ZNF334: variants seen among roughly 807,000 people sequenced by gnomAD.
The protein encoded by ZNF334 is zinc finger protein 334.
In ZNF334, 14 loss-of-function variants were observed where a neutral mutation model predicts 12.4. The observed-to-expected ratio is 1.13, with a 90% CI of 0.74 to 1.76. The LOEUF is 1.76. Ranked by LOEUF, ZNF334 falls within the 40% of genes most tolerant of loss-of-function variation. ZNF334 has a pLI of 0.00. For missense variants in ZNF334, 797 were observed against 804.5 expected (o/e 0.99, Z 0.11); for synonymous variants, 273 against 269.6 (o/e 1.01, Z -0.12).
intron 2 of ZNF334, among the ~76,000 whole-genome samples, chr20:46,510,433 G>C (rs1481785770): frequency 6.6e-6 from 1 of 152,092 alleles, no homozygotes; most frequent in African/African-American, 2.4e-5. Context: ...GGAGAATTAA[G>C]ATGGACTTCA....
downstream of ZNF334, among the ~76,000 whole-genome samples, chr20:46,497,041 T>G (rs2061036637): frequency 6.6e-6 from 1 of 152,152 alleles, no homozygotes; most frequent in Non-Finnish European, 1.5e-5. Flanking sequence ...TGATAACAAA[T>G]TTGTCATCTA....
intron 3 of ZNF334, 99 bp downstream of exon 3, chr20:46,504,515 C>T: frequency 6.9e-7 from 1 of 1,442,374 alleles, no homozygotes; most frequent in Non-Finnish European, 9.4e-7. Context: ...TTCTTGCTCC[C>T]CTGATGCTCA....
downstream of ZNF334, among the ~76,000 whole-genome samples, chr20:46,498,428 G>A (rs560110153): frequency 6.6e-6 from 1 of 152,176 alleles, no homozygotes; most frequent in African/African-American, 2.4e-5. Context: ...GAAGAACTGA[G>A]GTCTCCTGCT....
At chr20:46,506,470 T>C in intron 2 of ZNF334, 1 of 400,760 alleles carries the variant, frequency 2.5e-6, no homozygotes, top group Non-Finnish European at 4.4e-6. Context: ...TACAAAAAAA[T>C]AAAAAAAAAT....
chr20:46,497,255 T>C (rs184527157), downstream of ZNF334, among the ~76,000 whole-genome samples: 55 of 152,302 alleles, frequency 3.6e-4, no homozygotes, highest in African/African-American at 1.3e-3. Flanking sequence ...ACAGTGGTTC[T>C]GGAGGGACAG....
chr20:46,483,382 A>AT, the ZNF334 span, among the ~76,000 whole-genome samples: 1 of 149,088 alleles, frequency 6.7e-6, no homozygotes, highest in African/African-American at 2.5e-5. Flanking sequence ...TGTCCCTTTT[A>AT]TTTTTTCACA....
chr20:46,466,859 G>T, the ZNF334 span, among the ~76,000 whole-genome samples: 3 of 152,084 alleles, frequency 2.0e-5, no homozygotes, highest in Non-Finnish European at 2.9e-5. Context: ...TGATATCTAG[G>T]ATGGGTATCA....
At chr20:46,464,696 T>C in the ZNF334 span, 5 of 463,034 alleles carry the variant, frequency 1.1e-5, no homozygotes, top group Non-Finnish European at 2.2e-5. Flanking sequence ...AGCAGCTTGT[T>C]ATCACAGCTG....
the ZNF334 span, among the ~76,000 whole-genome samples, chr20:46,468,376 G>A: frequency 1.3e-5 from 2 of 151,774 alleles, no homozygotes; most frequent in Non-Finnish European, 2.9e-5. Context: ...CCAGGTTCAA[G>A]TGATTCTCCC....
At chr20:46,482,074 G>A in the ZNF334 span, among the ~76,000 whole-genome samples, 1 of 152,132 alleles carries the variant, frequency 6.6e-6, no homozygotes, top group Non-Finnish European at 1.5e-5. Context: ...GGCTGGCCAC[G>A]AGCCAAGGAA....
the ZNF334 span, among the ~76,000 whole-genome samples, chr20:46,473,994 C>T: frequency 1.7e-3 from 264 of 152,208 alleles, no homozygotes; most frequent in African/African-American, 5.8e-3. Context: ...GATATGGCCA[C>T]GTGGAATTGG....
chr20:46,496,181 T>C (rs2061020313), downstream of ZNF334, among the ~76,000 whole-genome samples: 1 of 152,180 alleles, frequency 6.6e-6, no homozygotes, highest in African/African-American at 2.4e-5. Flanking sequence ...AGAAAGCCCA[T>C]TTTCATTATA....
At chr20:46,475,485 A>G in the ZNF334 span, among the ~76,000 whole-genome samples, 3 of 152,178 alleles carry the variant, frequency 2.0e-5, no homozygotes, top group Non-Finnish European at 4.4e-5. Context: ...TGAAATGACA[A>G]ACTACAAAGT....
intron 2 of ZNF334, among the ~76,000 whole-genome samples, chr20:46,509,917 T>C (rs551497900): frequency 6.6e-5 from 10 of 152,318 alleles, no homozygotes; most frequent in African/African-American, 2.4e-4. Context: ...ACAGTTTGAA[T>C]TGCTTGTGTA....
intron 2 of ZNF334, among the ~76,000 whole-genome samples, chr20:46,511,716 C>A (rs983543207): frequency 1.3e-5 from 2 of 152,180 alleles, no homozygotes; most frequent in African/African-American, 4.8e-5. Flanking sequence ...CCTGTAATTA[C>A]TGTGCTCTGC....
At chr20:46,484,994 T>C in the ZNF334 span, 1 of 167,172 alleles carries the variant, frequency 6.0e-6, no homozygotes, top group Non-Finnish European at 1.5e-5. Context: ...CATTTATTTT[T>C]CTTAGGAAAC....
rs572509906 is a variant in ZNF334 at position 46,512,087 on chromosome 20, A to AT, written c.15dup (p.Phe6IlefsTer49). 154 of 1,613,810 alleles carry AT rather than the reference A, an allele frequency of 9.5e-5. No homozygotes were observed. The South Asian group carries it at 1.6e-3, about 17-fold the overall frequency. ...TAAATCCCTGAGCAACTTACCTGAA[A>AT]TTTTTTCATTTTCATGTTCTCTTGA... On this transcript the variant is annotated frameshift_variant, in exon 2 of 5. Transcript: ENST00000692313. LOFTEE classifies it high-confidence loss of function.
chr20:46,499,133 C>T (rs2145923003), downstream of ZNF334, among the ~76,000 whole-genome samples: 1 of 143,264 alleles, frequency 7.0e-6, no homozygotes, highest in Admixed American at 7.2e-5. Flanking sequence ...GAGATCCTGC[C>T]ACTGCACTCC....
chr20:46,474,963 C>G, the ZNF334 span, among the ~76,000 whole-genome samples: 2 of 152,152 alleles, frequency 1.3e-5, no homozygotes, highest in East Asian at 3.9e-4. Context: ...GGAACAGAAA[C>G]AGAGGCACAG....
Sources: allele counts gnomAD v4.1 joint callset (sites outside exome capture counted in the v4.1 genomes callset), GRCh38; gene constraint gnomAD v4.1.1; transcripts MANE v1.5; gene names NCBI Gene and HGNC (gene_info 2026-07-23, HGNC 2026-07-21).